Variants in MEIKIN observed in about 807,000 individuals in gnomAD.
The protein encoded by MEIKIN is meiosis-specific kinetochore protein.
At chr5:131,874,792 C>T (rs565735361) in intron 9 of MEIKIN, among the ~76,000 whole-genome samples, 75 of 152,270 alleles carry the variant, frequency 4.9e-4, no homozygotes, top group African/African-American at 1.8e-3. Flanking sequence ...AAAGCTTATC[C>T]ACCATGATCA....
intron 8 of MEIKIN, among the ~76,000 whole-genome samples, chr5:131,899,542 T>TAAAAAAA (rs398065218): frequency 2.4e-5 from 3 of 125,428 alleles, no homozygotes; most frequent in Non-Finnish European, 3.4e-5. Flanking sequence ...TGAATGGATT[T>TAAAAAAA]AAAAAAAAAA....
intron 6 of MEIKIN, among the ~76,000 whole-genome samples, chr5:131,919,953 G>A (rs920132106): frequency 4.5e-4 from 69 of 152,304 alleles, no homozygotes; most frequent in African/African-American, 1.5e-3. Flanking sequence ...AATAACAAAT[G>A]AGTCTAGCTA....
Position 131,854,140 on chromosome 5 carries a change from C to T in MEIKIN, c.855+614G>A, listed in dbSNP as rs77152382. On this transcript the variant is annotated intron_variant, in intron 10 of 12. Transcript: ENST00000442687. Reference sequence around the variant, plus strand: ...ATAAACAAAATGTGTCATATACATACAATGGAGTATCAATTCATCCTTAAA... The same window carrying T: ...ATAAACAAAATGTGTCATATACATATAATGGAGTATCAATTCATCCTTAAA... Among the ~76,000 whole-genome samples the T allele has an allele frequency of 9.2e-3, 1,397 of 152,264 alleles. 5 individuals are homozygous for T. Among genetic ancestry groups the T allele is most frequent in the Non-Finnish European group, 0.015 (1,009 of 67,996 alleles).
rs868455980 is a variant in MEIKIN at position 131,894,040 on chromosome 5, T to A, written c.704-14992A>T. 4.8e-4 allele frequency among the ~76,000 whole-genome samples: 73 copies of A among 152,352 alleles called. No individual in the cohort carries two copies. The Middle Eastern group carries it at 0.01, about 21-fold the overall frequency. On this transcript the variant is annotated intron_variant, in intron 8 of 12. Coordinates refer to ENST00000442687, the MANE Select transcript of MEIKIN (RefSeq NM_001303622.2). ...GGTTATTATGGTTGTAGGTCTAACA[T>A]TTAAGTCTTTAATCCATCTTGAATT...
chr5:131,941,080 G>A (rs991317399), intron 4 of MEIKIN, among the ~76,000 whole-genome samples: 3 of 148,126 alleles, frequency 2.0e-5, no homozygotes, highest in Non-Finnish European at 4.4e-5. Context: ...ATGAAAAAGG[G>A]ACCAGATATT....
intron 11 of MEIKIN, among the ~76,000 whole-genome samples, chr5:131,839,671 C>G (rs1226739144): frequency 6.6e-6 from 1 of 151,990 alleles, no homozygotes; most frequent in Non-Finnish European, 1.5e-5. Flanking sequence ...GGATTGCAAC[C>G]CACGCTTTTT....
At chr5:131,891,799 T>A (rs901623216) in intron 8 of MEIKIN, among the ~76,000 whole-genome samples, 3 of 152,246 alleles carry the variant, frequency 2.0e-5, no homozygotes, top group Admixed American at 6.5e-5. Flanking sequence ...TGATGCAGCA[T>A]CTTCGTAGCT....
At chr5:131,924,800 T>C (rs1040955190) in intron 5 of MEIKIN, among the ~76,000 whole-genome samples, 1 of 152,164 alleles carries the variant, frequency 6.6e-6, no homozygotes, top group African/African-American at 2.4e-5. Flanking sequence ...TTTACTCTGT[T>C]GATTGTTTCT....
chr5:131,925,630 A>G (rs535377689), intron 5 of MEIKIN, among the ~76,000 whole-genome samples: 32 of 152,258 alleles, frequency 2.1e-4, no homozygotes, highest in African/African-American at 7.7e-4. Flanking sequence ...CAATTTTACC[A>G]AATTCATTTA....
chr5:131,893,764 A>T (rs1241780117), intron 8 of MEIKIN, among the ~76,000 whole-genome samples: 1 of 152,166 alleles, frequency 6.6e-6, no homozygotes, highest in Non-Finnish European at 1.5e-5. Flanking sequence ...TTCCTTGCAG[A>T]TTCAGGATAT....
At chr5:131,910,953 T>C (rs970688066) in intron 8 of MEIKIN, among the ~76,000 whole-genome samples, 2 of 152,114 alleles carry the variant, frequency 1.3e-5, no homozygotes, top group African/African-American at 4.8e-5. Context: ...ATGGTTGATT[T>C]TGGTACACTT....
chr5:131,922,379 T>A (rs75556284), intron 5 of MEIKIN, among the ~76,000 whole-genome samples: 21 of 149,290 alleles, frequency 1.4e-4, no homozygotes, highest in Non-Finnish European at 2.2e-4. Context: ...ATATACAGCC[T>A]TTTTTTTTTC....
chr5:131,932,336 G>A (rs939800651), intron 5 of MEIKIN, among the ~76,000 whole-genome samples: 5 of 152,198 alleles, frequency 3.3e-5, no homozygotes, highest in African/African-American at 1.2e-4. Flanking sequence ...AGTTGGCTCA[G>A]GTAACTCAGA....
intron 3 of MEIKIN, chr5:131,944,444 G>T (rs1751926217): frequency 2.8e-6 from 1 of 359,146 alleles, no homozygotes; most frequent in Middle Eastern, 7.2e-4. Context: ...CTCCAAAAAC[G>T]TGTCAAGAGA....
At chr5:131,899,741 T>C (rs1308779060) in intron 8 of MEIKIN, among the ~76,000 whole-genome samples, 1 of 152,116 alleles carries the variant, frequency 6.6e-6, no homozygotes, top group Non-Finnish European at 1.5e-5. Context: ...TATATAATGA[T>C]AAAGGGGTCA....
intron 11 of MEIKIN, among the ~76,000 whole-genome samples, chr5:131,833,127 T>C (rs1208684759): frequency 1.3e-5 from 2 of 152,222 alleles, no homozygotes; most frequent in Non-Finnish European, 2.9e-5. Context: ...GCCGTTTCTC[T>C]TTTAAAACAG....
At chr5:131,836,151 GTT>G (rs1363347478) in intron 11 of MEIKIN, among the ~76,000 whole-genome samples, 1 of 152,026 alleles carries the variant, frequency 6.6e-6, no homozygotes, top group Admixed American at 6.6e-5. Context: ...GCCATATTTG[GTT>G]TTCTGTTCCT....
intron 9 of MEIKIN, 161 bp downstream of exon 9, chr5:131,878,817 G>A: frequency 2.7e-6 from 1 of 371,750 alleles, no homozygotes; most frequent in Non-Finnish European, 4.7e-6. Context: ...CAAGGCTGTA[G>A]TGAGCTATGA....
chr5:131,888,339 GT>G (rs1254689502), intron 8 of MEIKIN, among the ~76,000 whole-genome samples: 1 of 141,584 alleles, frequency 7.1e-6, no homozygotes, highest in Non-Finnish European at 1.5e-5. Context: ...GTGTAAAAGT[GT>G]TCCTATTTCT....
Sources: gnomAD v4.1 joint callset for allele counts (sites outside exome capture counted in the v4.1 genomes callset) on GRCh38, gnomAD v4.1.1 for gene constraint, MANE v1.5 for transcripts, NCBI Gene and HGNC (gene_info 2026-07-23, HGNC 2026-07-21) for gene names.